GABRR3: variants seen among roughly 807,000 people sequenced by gnomAD.
GABRR3 encodes gamma-aminobutyric acid type A receptor subunit rho3, also known as gamma-aminobutyric acid receptor subunit rho-3.
A neutral mutation model predicts 43.2 loss-of-function variants in GABRR3; 29 were observed. That is an observed-to-expected ratio of 0.67 (90% CI 0.50 to 0.92). The LOEUF is 0.92. Ranked by LOEUF, GABRR3 falls within the 40% of genes least tolerant of loss-of-function variation. GABRR3 has a pLI of 0.00. For missense variants in GABRR3, 576 were observed against 572.3 expected, an observed-to-expected ratio of 1.01 and a Z score of -0.07; for synonymous variants, 206 against 195.9, an observed-to-expected ratio of 1.05 and a Z score of -0.43.
exon 5 of GABRR3, chr3:98,012,421 T>A: frequency 6.2e-7 from 1 of 1,613,998 alleles, no homozygotes; most frequent in Non-Finnish European, 8.5e-7. Flanking sequence ...GGATGAAGGA[T>A]CTTTTAGAGT....
intron 3 of GABRR3, among the ~76,000 whole-genome samples, chr3:98,023,634 A>G (rs1243330002): frequency 6.6e-6 from 1 of 152,070 alleles, no homozygotes; most frequent in African/African-American, 2.4e-5. Context: ...AAGATACATA[A>G]GAGAAGTAGT....
At chr3:98,028,247 T>A (rs548178973) in intron 2 of GABRR3, among the ~76,000 whole-genome samples, 4 of 152,204 alleles carry the variant, frequency 2.6e-5, no homozygotes, top group Non-Finnish European at 5.9e-5. Flanking sequence ...TCTGTTCTTA[T>A]TTTTTAATCT....
intron 2 of GABRR3, among the ~76,000 whole-genome samples, chr3:98,034,015 T>A (rs1317595023): frequency 6.6e-6 from 1 of 152,210 alleles, no homozygotes; most frequent in Non-Finnish European, 1.5e-5. Context: ...GTGAGAGCAA[T>A]CTAGCTTAAA....
intron 3 of GABRR3, among the ~76,000 whole-genome samples, chr3:98,020,757 C>T (rs1423530339): frequency 2.6e-5 from 4 of 152,076 alleles, no homozygotes. Context: ...TCGATTTCTT[C>T]CTTTCGTCCT....
intron 3 of GABRR3, among the ~76,000 whole-genome samples, chr3:98,024,721 G>T (rs1706990770): frequency 6.6e-6 from 1 of 152,224 alleles, no homozygotes; most frequent in African/African-American, 2.4e-5. Context: ...TTCAGGAATT[G>T]TGGAAGTGGA....
chr3:98,028,372 C>G (rs1388232878), intron 2 of GABRR3, among the ~76,000 whole-genome samples: 2 of 152,182 alleles, frequency 1.3e-5, no homozygotes, highest in African/African-American at 2.4e-5. Flanking sequence ...AAACTCCTTA[C>G]TTACTTTTCA....
At chr3:98,016,378 C>A (rs561505271) in intron 4 of GABRR3, among the ~76,000 whole-genome samples, 363 of 152,266 alleles carry the variant, frequency 2.4e-3, no homozygotes, top group African/African-American at 8.4e-3. Flanking sequence ...CCCCCACCCC[C>A]CATTCCTCCT....
chr3:97,998,526 A>C (rs1190623698), intron 8 of GABRR3: 1 of 152,194 alleles, frequency 6.6e-6, no homozygotes, highest in African/African-American at 2.4e-5. Context: ...TTCAGATAGC[A>C]CATTGCAATT....
intron 9 of GABRR3, among the ~76,000 whole-genome samples, chr3:97,989,401 G>A (rs148272395): frequency 6.8e-6 from 1 of 147,162 alleles, no homozygotes; most frequent in African/African-American, 2.5e-5. Context: ...GATAGTGGTA[G>A]TGGGTGGTAA....
intron 5 of GABRR3, among the ~76,000 whole-genome samples, chr3:98,011,160 A>G (rs1257249157): frequency 6.6e-6 from 1 of 152,174 alleles, no homozygotes; most frequent in Non-Finnish European, 1.5e-5. Context: ...GCATTTTAAG[A>G]ACATTGACAG....
intron 3 of GABRR3, among the ~76,000 whole-genome samples, chr3:98,021,166 T>A (rs1706941168): frequency 6.6e-6 from 1 of 151,924 alleles, no homozygotes; most frequent in African/African-American, 2.4e-5. Context: ...CACCAGGCCG[T>A]CATTTCTGCC....
intron 1 of GABRR3, 29 bp from the exon 2 acceptor site, chr3:98,035,018 C>T: frequency 6.3e-7 from 1 of 1,599,840 alleles, no homozygotes; most frequent in Non-Finnish European, 8.5e-7. Context: ...AGAAAGGATG[C>T]AGGTGAACGC....
intron 9 of GABRR3, among the ~76,000 whole-genome samples, chr3:97,991,455 G>A (rs1236404799): frequency 2.6e-5 from 4 of 152,184 alleles, no homozygotes; most frequent in African/African-American, 7.2e-5. Flanking sequence ...TTCCTTACAC[G>A]TGCATAGCAC....
At chr3:97,992,018 T>C (rs1323639138) in intron 9 of GABRR3, among the ~76,000 whole-genome samples, 2 of 152,170 alleles carry the variant, frequency 1.3e-5, no homozygotes, top group Non-Finnish European at 2.9e-5. Flanking sequence ...ATGACTCTTA[T>C]CAGTTAAGTT....
chr3:98,034,998 A>G lies in GABRR3; in HGVS notation c.-2-9T>C, dbSNP rs1388430000. The G allele has an allele frequency of 6.2e-7, 1 of 1,610,228 alleles. No individual in the cohort carries two copies. The highest frequency in any genetic ancestry group is 8.5e-7 in the Non-Finnish European group (1 of 1,177,868). On this transcript the variant is annotated splice_polypyrimidine_tract_variant and intron_variant, in intron 1 of 9. Coordinates refer to ENST00000621172, the Ensembl canonical transcript of GABRR3. ...GAAAGCCAGGACCATCTCTTCCAAAACAAAAAAACAGAAAGGATGCAGGTG... is the reference window on the plus strand; with the variant it reads ...GAAAGCCAGGACCATCTCTTCCAAAGCAAAAAAACAGAAAGGATGCAGGTG...
intron 7 of GABRR3, among the ~76,000 whole-genome samples, chr3:98,003,565 C>T (rs952680455): frequency 6.6e-6 from 1 of 151,888 alleles, no homozygotes; most frequent in Non-Finnish European, 1.5e-5. Flanking sequence ...AAAGGTGGTG[C>T]TGCCTTGGAA....
At chr3:97,995,621 T>C (rs150746840) in intron 8 of GABRR3, among the ~76,000 whole-genome samples, 1 of 151,244 alleles carries the variant, frequency 6.6e-6, no homozygotes, top group East Asian at 1.9e-4. Flanking sequence ...AAAAAAAGAA[T>C]TAGAGTGGAG....
chr3:98,009,528 T>C (rs1706761862), intron 5 of GABRR3, among the ~76,000 whole-genome samples: 1 of 152,214 alleles, frequency 6.6e-6, no homozygotes, highest in Non-Finnish European at 1.5e-5. Context: ...GCCTGGAGCA[T>C]TCTTAGTTAT....
intron 8 of GABRR3, chr3:97,999,373 C>T (rs1030033345): frequency 1.1e-4 from 16 of 152,096 alleles, no homozygotes; most frequent in African/African-American, 3.9e-4. Context: ...CATGCTTCAT[C>T]CCTGAAGTCT....
Sources: gnomAD v4.1 joint callset for allele counts (sites outside exome capture counted in the v4.1 genomes callset) on GRCh38, gnomAD v4.1.1 for gene constraint, MANE v1.5 for transcripts, NCBI Gene and HGNC (gene_info 2026-07-23, HGNC 2026-07-21) for gene names.